DIXDC1: variants seen among roughly 807,000 people sequenced by gnomAD.
The protein encoded by DIXDC1 is dixin.
DIXDC1 carries 64 observed loss-of-function variants against 103.1 expected under a neutral mutation model. The observed-to-expected ratio is 0.62, with a 90% CI of 0.51 to 0.76. The LOEUF is 0.76. Among genes scored for constraint, DIXDC1 ranks in the 30% least tolerant of loss-of-function variants. The probability of loss-of-function intolerance (pLI) is 0.00; values close to 1 mark genes in which losing one functional copy is unlikely to be tolerated. For synonymous variants in DIXDC1, 266 were observed against 298.5 expected (o/e 0.89, Z 1.12); for missense variants, 759 against 834.2 (o/e 0.91, Z 1.11).
rs1555176673 is a variant in DIXDC1, at chr11:112,007,031, C to T, written c.1757-9660C>T. 3.3e-5 allele frequency among the ~76,000 whole-genome samples: 5 copies of T among 152,080 alleles called. No homozygotes were observed. The South Asian group carries it at 8.3e-4, about 25-fold the overall frequency. On this transcript the variant is annotated intron_variant, in intron 17 of 19. Transcript: ENST00000440460. ...TCCGAGCTAGAGGAGGATGTTTGAA[C>T]CCATTGCAAGGAAGCTAGAAACCTT...
At chr11:111,993,382 A>T in intron 12 of DIXDC1, 114 bp from the exon 13 acceptor site, 1 of 1,048,880 alleles carries the variant, frequency 9.5e-7, no homozygotes, top group Non-Finnish European at 1.4e-6. Context: ...ATTTGAGGAA[A>T]GGACTTTTTT....
At chr11:111,937,230 G>T, upstream of DIXDC1, 1 of 1,174,844 alleles carries the variant, frequency 8.5e-7, no homozygotes, top group Non-Finnish European at 1.1e-6. Context: ...GCTGGGGGCA[G>T]CCCGGCAGCG....
chr11:111,966,513 C>G (rs1341146079), intron 2 of DIXDC1, among the ~76,000 whole-genome samples: 1 of 150,418 alleles, frequency 6.6e-6, no homozygotes, highest in Non-Finnish European at 1.5e-5. Context: ...ACGCCATTCT[C>G]CTGCCTCAGC....
At chr11:112,006,450 G>A (rs1323128992) in intron 17 of DIXDC1, among the ~76,000 whole-genome samples, 2 of 152,222 alleles carry the variant, frequency 1.3e-5, no homozygotes, top group African/African-American at 4.8e-5. Flanking sequence ...CCAGCATGGC[G>A]TTTGAGCTCT....
Position 111,946,281 on chromosome 11 carries a change from T to G in DIXDC1, c.60+8722T>G, listed in dbSNP as rs191876263. ...CTACCACTGTGCCCGGCTAATTTTT[T>G]GTATTTTTAGTAGAGACGGGGTTTC... On this transcript the variant is annotated intron_variant, in intron 1 of 19. Coordinates refer to ENST00000440460, the MANE Select transcript of DIXDC1 (RefSeq NM_001037954.4). Among the ~76,000 whole-genome samples the G allele has an allele frequency of 3.6e-3, 550 of 152,306 alleles. 3 individuals are homozygous for G. Among genetic ancestry groups the G allele is most frequent in the Non-Finnish European group, 6.3e-3 (429 of 68,022 alleles).
intron 7 of DIXDC1, among the ~76,000 whole-genome samples, chr11:111,984,674 A>G (rs1011020612): frequency 4.6e-5 from 7 of 152,254 alleles, no homozygotes; most frequent in Non-Finnish European, 1.0e-4. Context: ...TATTCTAATG[A>G]AAACCACCTG....
chr11:111,988,261 G>A (rs1007250230), intron 9 of DIXDC1, among the ~76,000 whole-genome samples: 3 of 152,164 alleles, frequency 2.0e-5, no homozygotes, highest in African/African-American at 7.2e-5. Flanking sequence ...GCCTCCCAAA[G>A]TGCTGGGATT....
At chr11:111,946,822 T>C (rs1966614061) in intron 1 of DIXDC1, 1 of 434,800 alleles carries the variant, frequency 2.3e-6, no homozygotes, top group Non-Finnish European at 4.6e-6. Flanking sequence ...AACAGGGATT[T>C]GGGACAGCCT....
At chr11:111,974,532 T>A (rs1182552940) in intron 4 of DIXDC1, among the ~76,000 whole-genome samples, 1 of 152,244 alleles carries the variant, frequency 6.6e-6, no homozygotes, top group Non-Finnish European at 1.5e-5. Context: ...CACAGTGTGT[T>A]TTCTTCACTG....
At chr11:111,937,080 T>G (rs1966215666), upstream of DIXDC1, 3 of 307,598 alleles carry the variant, frequency 9.8e-6, no homozygotes, top group Non-Finnish European at 1.4e-5. Context: ...AAAAGCCGTG[T>G]GAGTGTGTGT....
In DIXDC1 at chr11:112,017,116, T is replaced by TA. The variant is rs1179581063; in HGVS notation, c.1862+321dup. ...AAGTGTTCAAAATAGCTCCTGCTGA[T>TA]ACAATGGATTGCAGCCTGGCACTCA... On this transcript the variant is annotated intron_variant, in intron 18 of 19. Coordinates refer to ENST00000440460, the MANE Select transcript of DIXDC1 (RefSeq NM_001037954.4). The surrounding 1 kb of genome is among the most constrained non-coding windows in gnomAD (Gnocchi z 4.0). Among the ~76,000 whole-genome samples the TA allele has an allele frequency of 2.0e-5, 3 of 151,798 alleles. No individual in the cohort carries two copies. The highest frequency in any genetic ancestry group is 7.3e-5 in the African/African-American group (3 of 41,310).
chr11:112,009,281 C>T (rs923772330), intron 17 of DIXDC1, among the ~76,000 whole-genome samples: 14 of 152,122 alleles, frequency 9.2e-5, no homozygotes, highest in African/African-American at 3.4e-4. Context: ...TCTGAATAGA[C>T]CAATAACAGG....
intron 1 of DIXDC1, among the ~76,000 whole-genome samples, chr11:111,956,340 G>T (rs1337605595): frequency 6.6e-6 from 1 of 152,044 alleles, no homozygotes; most frequent in Non-Finnish European, 1.5e-5. Flanking sequence ...TTTACACCTA[G>T]AACTGGTTAA....
At chr11:111,966,548 C>T (rs1423673809) in intron 2 of DIXDC1, among the ~76,000 whole-genome samples, 1 of 151,874 alleles carries the variant, frequency 6.6e-6, no homozygotes, top group Non-Finnish European at 1.5e-5. Context: ...GGACTACAGG[C>T]GCCCGCCACC....
chr11:112,014,671 T>C (rs1226061094), intron 17 of DIXDC1, among the ~76,000 whole-genome samples: 1 of 152,214 alleles, frequency 6.6e-6, no homozygotes, highest in Non-Finnish European at 1.5e-5. Flanking sequence ...TGATAAACTC[T>C]TGGGAGGTTG....
chr11:111,969,711 AG>A (rs781965014), intron 3 of DIXDC1, among the ~76,000 whole-genome samples: 4 of 152,160 alleles, frequency 2.6e-5, no homozygotes, highest in African/African-American at 4.8e-5. Flanking sequence ...TCATGACAAT[AG>A]GGGCAGAACG....
chr11:112,001,238 A>G (rs1271675095), intron 17 of DIXDC1, among the ~76,000 whole-genome samples: 3 of 152,220 alleles, frequency 2.0e-5, no homozygotes, highest in Non-Finnish European at 4.4e-5. Flanking sequence ...TAAAATGTCC[A>G]GAATAGGCAA....
upstream of DIXDC1, among the ~76,000 whole-genome samples, chr11:111,936,345 G>C (rs587640138): frequency 6.6e-6 from 1 of 152,272 alleles, no homozygotes; most frequent in African/African-American, 2.4e-5. Flanking sequence ...AATAATCAAG[G>C]CTATGACTTG....
chr11:111,951,417 C>T (rs1283412398), intron 1 of DIXDC1, among the ~76,000 whole-genome samples: 1 of 151,844 alleles, frequency 6.6e-6, no homozygotes, highest in Non-Finnish European at 1.5e-5. Context: ...TACTGTATAC[C>T]TATAAAAATC....
Sources: allele counts gnomAD v4.1 joint callset (sites outside exome capture counted in the v4.1 genomes callset), GRCh38; gene constraint gnomAD v4.1.1; non-coding constraint Gnocchi (gnomAD v3.1); transcripts MANE v1.5; gene names NCBI Gene and HGNC (gene_info 2026-07-23, HGNC 2026-07-21).